Variants in TRANK1 observed in about 807,000 individuals in gnomAD.
TRANK1 encodes the protein TPR and ankyrin repeat-containing protein 1.
In TRANK1, 198 loss-of-function variants were observed where a neutral mutation model predicts 266.0. That is an observed-to-expected ratio of 0.74 (90% CI 0.66 to 0.84). The LOEUF is 0.84. Among genes scored for constraint, TRANK1 ranks in the 40% least tolerant of loss-of-function variants. The probability of loss-of-function intolerance (pLI) is 0.00; values close to 1 mark genes in which losing one functional copy is unlikely to be tolerated. For missense variants in TRANK1, 3,326 were observed against 3,634.6 expected (o/e 0.92, Z 2.18); for synonymous variants, 1,396 against 1,384.1 (o/e 1.01, Z -0.19).
chr3:36,885,256 G>A (rs1399173680), intron 8 of TRANK1, among the ~76,000 whole-genome samples: 4 of 152,176 alleles, frequency 2.6e-5, no homozygotes, highest in African/African-American at 4.8e-5. Context: ...CCCTTGGTAC[G>A]ATTCACTGAG....
intron 8 of TRANK1, among the ~76,000 whole-genome samples, chr3:36,887,721 C>A (rs2079627753): frequency 6.6e-6 from 1 of 152,160 alleles, no homozygotes; most frequent in South Asian, 2.1e-4. Context: ...GATCAGACAC[C>A]CCTGATTATA....
At chr3:36,943,419 C>T (rs1422347537) in intron 1 of TRANK1, among the ~76,000 whole-genome samples, 2 of 151,756 alleles carry the variant, frequency 1.3e-5, no homozygotes, top group South Asian at 2.1e-4. Flanking sequence ...ATACATAGGC[C>T]AGTGGCAGTG....
chr3:36,857,304 C>G lies in TRANK1; in HGVS notation c.2418G>C (p.Arg806Ser). 6.2e-7 allele frequency: 1 copy of G among 1,609,208 alleles called. No homozygotes were observed. Among genetic ancestry groups the G allele is most frequent in the Middle Eastern group, 1.7e-4 (1 of 6,034 alleles). Residue 806 changes from arginine to serine, a missense_variant, in exon 13 of 24, where the codon AGG becomes AGC. By Grantham distance (110) the Arg-to-Ser change is moderately radical. Coordinates refer to ENST00000645898, the MANE Select transcript of TRANK1 (RefSeq NM_001329998.2). The surrounding 1 kb of genome is among the most constrained non-coding windows in gnomAD (Gnocchi z 4.3). ...GALQLVPDDNRGKEGNDDQDD... is the reference protein window; with the variant it reads ...GALQLVPDDNSGKEGNDDQDD... ...CCTGATCATCATTGCCCTCCTTCCC[C>G]CTGTTATCATCAGGCACAAGCTGCA...
chr3:36,872,719 A>G (rs987101036), intron 9 of TRANK1, among the ~76,000 whole-genome samples: 5 of 152,218 alleles, frequency 3.3e-5, no homozygotes, highest in African/African-American at 1.2e-4. Flanking sequence ...AGAGACATAT[A>G]TTATAAATTC....
At chr3:36,886,827 A>C (rs9862188) in intron 8 of TRANK1, among the ~76,000 whole-genome samples, 49,801 of 151,418 alleles carry the variant, frequency 0.33, 9,196 homozygotes, top group East Asian at 0.56. Context: ...TAGATCTTGA[A>C]AGCTACAGGT....
Position 36,895,682 on chromosome 3 carries a change from C to G in TRANK1, c.510G>C (p.Trp170Cys). 1 of 1,536,368 alleles carries G rather than the reference C, an allele frequency of 6.5e-7. No individual in the cohort carries two copies. The highest frequency in any genetic ancestry group is 1.2e-5 in the South Asian group (1 of 83,798). ...IFTTGFPTEV[W>C]QSVIEKLAKK... The stretch of plus-strand genomic sequence containing the variant: ...TTGCCAACTTTTCTATTACAGATTG[C>G]CACACTTCTGTTGGGAATCCAGTTG... Residue 170 changes from tryptophan to cysteine, a missense_variant, in exon 5 of 24, where the codon TGG becomes TGC. By Grantham distance (215) the Trp-to-Cys change is radical. Transcript: ENST00000645898.
chr3:36,908,537 G>A, intron 1 of TRANK1, 83 bp from the exon 2 acceptor site: 1 of 1,231,672 alleles, frequency 8.1e-7, no homozygotes, highest in Non-Finnish European at 1.0e-6. Flanking sequence ...GAAATCTGGA[G>A]AAGGAGTTCG....
intron 1 of TRANK1, among the ~76,000 whole-genome samples, chr3:36,918,588 A>T (rs1164543698): frequency 4.3e-5 from 5 of 117,646 alleles, no homozygotes; most frequent in African/African-American, 1.7e-4. Context: ...GGAAGGAAGG[A>T]AGGAAGGAAG....
In TRANK1 at chr3:36,879,997, C is replaced by T. The variant is rs186662327; in HGVS notation, c.908-5701G>A. ...ATGTAAACATGCAAATATATGTAAACATGCAAATATATGTAAACATGCAAA... is the reference window on the plus strand; with the variant it reads ...ATGTAAACATGCAAATATATGTAAATATGCAAATATATGTAAACATGCAAA... On this transcript the variant is annotated intron_variant, in intron 8 of 23. Coordinates refer to ENST00000645898, the MANE Select transcript of TRANK1 (RefSeq NM_001329998.2). Among the ~76,000 whole-genome samples, 13 of 14,896 alleles carry T rather than the reference C, an allele frequency of 8.7e-4. 3 individuals are homozygous for T. The highest frequency in any genetic ancestry group is 1.8e-3 in the African/African-American group (5 of 2,710). The allele number at this position is 14,896 out of a possible 152,430, so 9.8% of individuals were successfully genotyped here. A position where few individuals can be genotyped will look rare whatever the true frequency, so the allele number is the denominator to read the frequency against.
At chr3:36,887,610 C>T (rs575139233) in intron 8 of TRANK1, among the ~76,000 whole-genome samples, 5 of 152,098 alleles carry the variant, frequency 3.3e-5, no homozygotes, top group African/African-American at 1.2e-4. Context: ...TGTGCACGGA[C>T]CTTCTTTTAT....
At chr3:36,918,514 A>AAGGAAG (rs1559473242) in intron 1 of TRANK1, among the ~76,000 whole-genome samples, 3 of 36,310 alleles carry the variant, frequency 8.3e-5, no homozygotes, top group African/African-American at 3.4e-4. Flanking sequence ...AAAGAAAGAA[A>AAGGAAG]GAAAGAAAGA....
chr3:36,886,766 G>A (rs2125597962), intron 8 of TRANK1, among the ~76,000 whole-genome samples: 1 of 152,116 alleles, frequency 6.6e-6, no homozygotes, highest in East Asian at 1.9e-4. Flanking sequence ...CAATAAATTA[G>A]CCGGGCATAG....
intron 1 of TRANK1, among the ~76,000 whole-genome samples, chr3:36,924,859 C>G (rs552372468): frequency 1.3e-5 from 2 of 152,176 alleles, no homozygotes; most frequent in Admixed American, 6.5e-5. Flanking sequence ...CCAAAGGAGC[C>G]CCCCCGGACA....
rs2079665703 is a variant in TRANK1, at chr3:36,890,020, AT to A, written c.776-61del. ...CACATACAGAAAGTCAGCAAAGTTA[AT>A]TTGTGCAGAAGCAATAGATTAAAAA... is the stretch of plus-strand genomic sequence containing the variant. On this transcript the variant is annotated intron_variant, in intron 7 of 23. Transcript: ENST00000645898. 2.0e-6 allele frequency: 3 copies of A among 1,522,942 alleles called. No individual in the cohort carries two copies. In the South Asian group the frequency reaches 3.7e-5, roughly 19 times the overall value. 94.3% of individuals were successfully genotyped at this position (1,522,942 alleles called of 1,614,324 possible).
chr3:36,874,420 T>C, intron 8 of TRANK1, 124 bp from the exon 9 acceptor site: 1 of 1,040,258 alleles, frequency 9.6e-7, no homozygotes. Flanking sequence ...GGTCTTCTGT[T>C]TGTGGAGCCT....
intron 9 of TRANK1, among the ~76,000 whole-genome samples, chr3:36,867,064 T>C (rs2079237916): frequency 6.6e-6 from 1 of 152,172 alleles, no homozygotes; most frequent in Non-Finnish European, 1.5e-5. Flanking sequence ...CACATCACCC[T>C]GGCTGGAAGC....
At chr3:36,850,735 G>T (rs1054663483) in intron 15 of TRANK1, 4 of 984,014 alleles carry the variant, frequency 4.1e-6, no homozygotes, top group Non-Finnish European at 4.8e-6. Context: ...TATCAATATT[G>T]TAATAGTTGT....
At chr3:36,895,844 A>G in intron 4 of TRANK1, 86 bp from the exon 5 acceptor site, 1 of 788,730 alleles carries the variant, frequency 1.3e-6, no homozygotes, top group Non-Finnish European at 1.9e-6. Context: ...AAGTTCACAC[A>G]TAGACAAATG....
intron 9 of TRANK1, among the ~76,000 whole-genome samples, chr3:36,868,132 G>A (rs1013283337): frequency 6.6e-6 from 1 of 152,068 alleles, no homozygotes; most frequent in Admixed American, 6.5e-5. Context: ...GGAATAACTC[G>A]GTAAATAATT....
Sources: gnomAD v4.1 joint callset for allele counts (sites outside exome capture counted in the v4.1 genomes callset) on GRCh38, gnomAD v4.1.1 for gene constraint, Gnocchi (gnomAD v3.1) non-coding constraint, MANE v1.5 for transcripts, NCBI Gene and HGNC (gene_info 2026-07-23, HGNC 2026-07-21) for gene names.